AOPEP: variants seen among roughly 807,000 people sequenced by gnomAD.
The protein encoded by AOPEP is aminopeptidase O (putative).
A neutral mutation model predicts 98.1 loss-of-function variants in AOPEP; 77 were observed. That is an observed-to-expected ratio of 0.78 (90% CI 0.65 to 0.95). AOPEP has a LOEUF of 0.95. Ranked by LOEUF, AOPEP falls within the 40% of genes least tolerant of loss-of-function variation. The pLI is 0.00. For missense variants in AOPEP, 1,024 were observed against 1,024.7 expected (o/e 1.00, Z 0.01); for synonymous variants, 346 against 365.3 (o/e 0.95, Z 0.60).
intron 1 of AOPEP, among the ~76,000 whole-genome samples, chr9:94,758,101 A>G (rs1344480062): frequency 6.6e-6 from 1 of 152,224 alleles, no homozygotes; most frequent in Non-Finnish European, 1.5e-5. Context: ...GGGAGCAAGG[A>G]CCAGGGAAGG....
rs2069965478 is a variant in AOPEP, at chr9:95,082,654, A to G, written c.2399A>G (p.Glu800Gly). Residue 800 changes from glutamate (E) to glycine (G), a missense_variant, in exon 16 of 17, where the codon GAG becomes GGG. Physicochemically the swap from Glu to Gly is moderately conservative, Grantham distance 98 (BLOSUM62 -2). This residue lies in a region of AOPEP where 566 missense variants were observed against 551.7 expected (regional missense o/e 1.03). Coordinates refer to ENST00000375315, the MANE Select transcript of AOPEP (RefSeq NM_001193329.3). ...CAGCAGCTCGCCCGTAGGTGCTTCG[A>G]GCGGACCAAGGAGCAGATGGATAGG... ...RQQQLARRCFERTKEQMDRSS... is the reference protein window; with the variant it reads ...RQQQLARRCFGRTKEQMDRSS... 1 of 1,614,072 alleles carries G rather than the reference A, an allele frequency of 6.2e-7. No individual in the cohort carries two copies. The highest frequency in any genetic ancestry group is 1.7e-5 in the Admixed American group (1 of 60,014).
At chr9:94,895,219 T>TAATAAA (rs1204411552) in intron 5 of AOPEP, among the ~76,000 whole-genome samples, 4 of 60,686 alleles carry the variant, frequency 6.6e-5, no homozygotes, top group South Asian at 7.0e-4. Flanking sequence ...TCATCTCTAC[T>TAATAAA]AAAAAAAAAT....
chr9:94,947,811 C>T (rs1013488911), intron 7 of AOPEP, among the ~76,000 whole-genome samples: 1 of 152,120 alleles, frequency 6.6e-6, no homozygotes, highest in Non-Finnish European at 1.5e-5. Flanking sequence ...ATCTGCACAG[C>T]GAGTAAGCAG....
At chr9:95,118,835 T>C in the AOPEP span, among the ~76,000 whole-genome samples, 1 of 152,246 alleles carries the variant, frequency 6.6e-6, no homozygotes, top group Non-Finnish European at 1.5e-5. Context: ...GCATTTGGGC[T>C]GCTTCCAGTT....
At chr9:94,738,496 G>T (rs1832277003) in intron 1 of AOPEP, among the ~76,000 whole-genome samples, 1 of 152,108 alleles carries the variant, frequency 6.6e-6, no homozygotes, top group South Asian at 2.1e-4. Flanking sequence ...AGGAACACTA[G>T]AACATCAGAG....
the AOPEP span, chr9:95,150,024 A>C: frequency 2.5e-6 from 4 of 1,614,146 alleles, no homozygotes; most frequent in Non-Finnish European, 3.4e-6. Flanking sequence ...GGGGGTCAAC[A>C]TCTGTCAGGG....
intron 2 of AOPEP, among the ~76,000 whole-genome samples, chr9:94,765,528 G>A (rs1019197011): frequency 6.7e-6 from 1 of 150,162 alleles, no homozygotes; most frequent in Non-Finnish European, 1.5e-5. Context: ...TTGAGCCCAG[G>A]GAGGTCGAGG....
chr9:94,792,707 C>T, intron 3 of AOPEP, 58 bp from the exon 4 acceptor site: 2 of 1,402,482 alleles, frequency 1.4e-6, no homozygotes, highest in Non-Finnish European at 1.9e-6. Context: ...AGAAATTATA[C>T]AGCAGAGCCC....
chr9:95,150,131 G>A, the AOPEP span: 1 of 1,605,068 alleles, frequency 6.2e-7, no homozygotes, highest in Non-Finnish European at 8.5e-7. Flanking sequence ...TAAGAGCCAT[G>A]CATAATTAAG....
intron 16 of AOPEP, chr9:95,086,402 C>T (rs1045276): frequency 0.21 from 209,264 of 985,224 alleles, 22,585 homozygotes; most frequent in Middle Eastern, 0.31. Flanking sequence ...TTTCTGAGAA[C>T]AGTTAGAGTG....
intron 5 of AOPEP, among the ~76,000 whole-genome samples, chr9:94,818,090 G>A (rs1359704910): frequency 6.6e-6 from 1 of 152,140 alleles, no homozygotes; most frequent in Non-Finnish European, 1.5e-5. Flanking sequence ...TGGAGAGAGA[G>A]CTCTGCTTTG....
intron 5 of AOPEP, among the ~76,000 whole-genome samples, chr9:94,910,888 A>G (rs1564366099): frequency 6.6e-6 from 1 of 152,194 alleles, no homozygotes; most frequent in Non-Finnish European, 1.5e-5. Flanking sequence ...TTAAAGGTCA[A>G]AAAGGTGGAG....
chr9:95,109,155 G>A, the AOPEP span, among the ~76,000 whole-genome samples: 3 of 152,106 alleles, frequency 2.0e-5, no homozygotes, highest in South Asian at 2.1e-4. Context: ...CAAGTGATAC[G>A]GCCACCTCGG....
At chr9:95,038,450 G>A (rs1042228724) in intron 13 of AOPEP, among the ~76,000 whole-genome samples, 3 of 152,178 alleles carry the variant, frequency 2.0e-5, no homozygotes, top group African/African-American at 7.2e-5. Flanking sequence ...AAAGCCTAAT[G>A]ATATAAACCA....
chr9:94,775,963 A>G (rs1348954697), intron 3 of AOPEP, among the ~76,000 whole-genome samples: 3 of 151,952 alleles, frequency 2.0e-5, no homozygotes, highest in Non-Finnish European at 2.9e-5. Context: ...TGGGTGACAG[A>G]GTGAGACTCC....
intron 13 of AOPEP, among the ~76,000 whole-genome samples, chr9:95,031,271 T>G (rs1360851319): frequency 6.6e-6 from 1 of 152,206 alleles, no homozygotes; most frequent in Admixed American, 6.5e-5. Context: ...TTTAATGAAG[T>G]GAAGTCAGTG....
At chr9:94,798,434 A>G (rs182920453) in intron 4 of AOPEP, among the ~76,000 whole-genome samples, 7 of 152,324 alleles carry the variant, frequency 4.6e-5, no homozygotes, top group Admixed American at 4.6e-4. Context: ...GTTGTCTATC[A>G]GGTTTAGGTT....
rs1837861088 is a variant in AOPEP at position 94,759,846 on chromosome 9, A to G, written c.63A>G (p.Ile21Met). 1 of 1,614,120 alleles carries G rather than the reference A, an allele frequency of 6.2e-7. No individual in the cohort carries two copies. The highest frequency in any genetic ancestry group is 8.5e-7 in the Non-Finnish European group (1 of 1,180,010). Reference protein sequence around the residue: ...DLPLMANTSHILVKHYVLDLD... With the variant: ...DLPLMANTSHMLVKHYVLDLD... ...CTCTCATGGCCAACACCAGCCACAT[A>G]CTTGTGAAGCACTATGTACTGGATT... Residue 21 changes from isoleucine to methionine, a missense_variant, in exon 2 of 17, where the codon ATA (isoleucine) becomes ATG (methionine). By Grantham distance (10) the Ile-to-Met change is conservative (BLOSUM62 1). Transcript: ENST00000375315.
At chr9:94,941,477 A>G (rs2057001927) in intron 7 of AOPEP, among the ~76,000 whole-genome samples, 1 of 152,202 alleles carries the variant, frequency 6.6e-6, no homozygotes. Flanking sequence ...GGAGGATGCT[A>G]TACCTATGCC....
Sources: allele counts gnomAD v4.1 joint callset (sites outside exome capture counted in the v4.1 genomes callset), GRCh38; gene constraint gnomAD v4.1.1; regional missense constraint gnomAD v4.1.1; transcripts MANE v1.5; gene names NCBI Gene and HGNC (gene_info 2026-07-23, HGNC 2026-07-21).